TOX3: variants seen among roughly 807,000 people sequenced by gnomAD.
TOX3 encodes TOX high mobility group box family member 3.
In TOX3, 22 loss-of-function variants were observed where a neutral mutation model predicts 64.3. The ratio of observed to expected loss-of-function variants is 0.34; its 90% confidence interval spans 0.24 to 0.49. The LOEUF (loss-of-function observed/expected upper bound fraction) is 0.49, where lower values mean the gene tolerates loss of function less well. Ranked by LOEUF, TOX3 falls within the 20% of genes least tolerant of loss-of-function variation. The probability of loss-of-function intolerance (pLI) is 0.99; values close to 1 mark genes in which losing one functional copy is unlikely to be tolerated. For synonymous variants in TOX3, 291 were observed against 273.6 expected (o/e 1.06, Z -0.63); for missense variants, 661 against 714.4 (o/e 0.93, Z 0.85).
At chr16:52,536,001 CAT>C (rs753366078) in intron 1 of TOX3, among the ~76,000 whole-genome samples, 1 of 152,220 alleles carries the variant, frequency 6.6e-6, no homozygotes, top group Non-Finnish European at 1.5e-5. Flanking sequence ...TATGTCAACA[CAT>C]ATTCACTCAA....
intron 1 of TOX3, 124 bp from the exon 2 acceptor site, chr16:52,468,698 A>G: frequency 1.4e-6 from 1 of 712,910 alleles, no homozygotes; most frequent in Non-Finnish European, 2.4e-6. Context: ...GCAAAACATG[A>G]CAAAGGTTTC....
chr16:52,519,595 A>G (rs1962549582), intron 1 of TOX3: 21 of 1,422,968 alleles, frequency 1.5e-5, no homozygotes, highest in Non-Finnish European at 1.8e-5. Flanking sequence ...CAGACGAAAA[A>G]AAAAACAACA....
Position 52,439,369 on chromosome 16 carries a change from A to G in TOX3, c.1587T>C (p.Ser529=), listed in dbSNP as rs753179354. The change falls in exon 7 of 7, where the codon TCT becomes TCC. Residue 529 remains serine, a synonymous_variant. Coordinates refer to ENST00000219746, the MANE Select transcript of TOX3 (RefSeq NM_001080430.4). ...LQHMQHQSQP[S]PRQHSPVASQ... ...AGGCGACAGGGGAGTGCTGCCGAGG[A>G]GAAGGCTGAGACTGGTGCTGCATGT... 75 of 1,605,758 alleles carry G rather than the reference A, an allele frequency of 4.7e-5. No individual in the cohort carries two copies. Among genetic ancestry groups the G allele is most frequent in the Admixed American group, 1.7e-4 (10 of 58,416 alleles).
chr16:52,512,587 G>A (rs1207077235), intron 1 of TOX3, among the ~76,000 whole-genome samples: 2 of 152,202 alleles, frequency 1.3e-5, no homozygotes, highest in Non-Finnish European at 2.9e-5. Flanking sequence ...ACAGGCAAAG[G>A]TGGATGGCAA....
intron 1 of TOX3, among the ~76,000 whole-genome samples, chr16:52,510,778 A>AAAAAAAAAG (rs574634087): frequency 2.3e-3 from 268 of 115,038 alleles, no homozygotes; most frequent in African/African-American, 3.0e-3. Context: ...AAAAAAAAAA[A>AAAAAAAAAG]AAGAAGAAGA....
chr16:52,483,047 T>C (rs1025784833), intron 1 of TOX3, among the ~76,000 whole-genome samples: 3 of 152,144 alleles, frequency 2.0e-5, no homozygotes, highest in Non-Finnish European at 4.4e-5. Context: ...ACAGATTCCA[T>C]GAGGGATGTC....
chr16:52,455,431 TC>T (rs1163987500), intron 3 of TOX3, among the ~76,000 whole-genome samples: 1 of 152,092 alleles, frequency 6.6e-6, no homozygotes, highest in Admixed American at 6.6e-5. Context: ...AATGTCAAAA[TC>T]CCCTTCATTT....
intron 1 of TOX3, among the ~76,000 whole-genome samples, chr16:52,524,992 G>C (rs1962695741): frequency 6.6e-6 from 1 of 151,656 alleles, no homozygotes; most frequent in South Asian, 2.1e-4. Context: ...ATCCTACTTT[G>C]TTCTATTCTG....
chr16:52,463,570 G>C (rs867936902), intron 3 of TOX3, among the ~76,000 whole-genome samples: 3 of 152,112 alleles, frequency 2.0e-5, no homozygotes, highest in African/African-American at 7.2e-5. Context: ...AAAGACTTAG[G>C]CACCTGATAA....
intron 5 of TOX3, 87 bp downstream of exon 5, chr16:52,445,907 T>C (rs1960147863): frequency 1.6e-6 from 2 of 1,236,942 alleles, no homozygotes; most frequent in Admixed American, 4.6e-5. Context: ...TCATATTAAG[T>C]GAACACATGC....
chr16:52,504,532 C>T (rs548000779), intron 1 of TOX3, among the ~76,000 whole-genome samples: 10 of 151,480 alleles, frequency 6.6e-5, no homozygotes, highest in Non-Finnish European at 1.0e-4. Flanking sequence ...TCTATGTGCA[C>T]ACAACTTCCC....
chr16:52,512,201 T>C (rs1962330915), intron 1 of TOX3, among the ~76,000 whole-genome samples: 1 of 152,210 alleles, frequency 6.6e-6, no homozygotes, highest in Non-Finnish European at 1.5e-5. Context: ...TAAAGACACA[T>C]AAATATTGGC....
At chr16:52,450,573 A>G in intron 3 of TOX3, 27 bp from the exon 4 acceptor site, 1 of 1,612,676 alleles carries the variant, frequency 6.2e-7, no homozygotes, top group Non-Finnish European at 8.5e-7. Context: ...AAAGGGGGAA[A>G]ATATTTCAGC....
Position 52,450,501 on chromosome 16 carries a change from G to A in TOX3, c.454C>T (p.Leu152=), listed in dbSNP as rs770661385. The change falls in exon 4 of 7, where the codon CTG becomes TTG. Residue 152 remains leucine (L), a synonymous_variant. Transcript: ENST00000219746. ...ATGTGGACGATGGACCGCATGATCAGGGAGGGATCCTGCCGGTACTGGGAC... is the reference window on the plus strand; with the variant it reads ...ATGTGGACGATGGACCGCATGATCAAGGAGGGATCCTGCCGGTACTGGGAC... The part of the protein sequence containing the change: ...QVSQYRQDPS[L]IMRSIVHMTD... 2 of 1,614,062 alleles carry A rather than the reference G, an allele frequency of 1.2e-6. No homozygotes were observed. The highest frequency in any genetic ancestry group is 1.1e-5 in the South Asian group (1 of 91,084).
chr16:52,546,736 CCCGGGGCCGGGGGCCGGGACTGGGGTTCG>C lies in TOX3; in HGVS notation c.-42_-14del. 2 of 1,505,994 alleles carry C rather than the reference CCCGGGGCCGGGGGCCGGGACTGGGGTTCG, an allele frequency of 1.3e-6. No individual in the cohort carries two copies. Among genetic ancestry groups the C allele is most frequent in the East Asian group, 2.7e-5 (1 of 37,146 alleles). The allele number at this position is 1,505,994 out of a possible 1,614,324, so 93.3% of individuals were successfully genotyped here. On this transcript the variant is annotated 5_prime_UTR_variant, in exon 1 of 7. Coordinates refer to ENST00000219746, the MANE Select transcript of TOX3 (RefSeq NM_001080430.4). Reference sequence around the variant, plus strand: ...ACCTCACATCCATGCCGAAGCTGGGCCCGGGGCCGGGGGCCGGGACTGGGGTTCGCCGGGGCCGGGACCCGCCTCCTCGC... The same window carrying C: ...ACCTCACATCCATGCCGAAGCTGGGCCCGGGGCCGGGACCCGCCTCCTCGC...
chr16:52,517,733 G>A (rs564154357), intron 1 of TOX3, among the ~76,000 whole-genome samples: 4 of 151,358 alleles, frequency 2.6e-5, no homozygotes, highest in South Asian at 2.1e-4. Context: ...ACACACCAAG[G>A]TCACTCTGAA....
chr16:52,451,723 T>C (rs971069474), intron 3 of TOX3, among the ~76,000 whole-genome samples: 1 of 152,226 alleles, frequency 6.6e-6, no homozygotes, highest in Non-Finnish European at 1.5e-5. Context: ...ATATTAAATA[T>C]ATAAATGCCA....
chr16:52,528,119 G>T (rs973175129), intron 1 of TOX3, among the ~76,000 whole-genome samples: 1 of 152,328 alleles, frequency 6.6e-6, no homozygotes, highest in African/African-American at 2.4e-5. Flanking sequence ...AAAATATTCT[G>T]AAGTAGGATT....
intron 1 of TOX3, among the ~76,000 whole-genome samples, chr16:52,542,578 C>G (rs1963097364): frequency 6.6e-6 from 1 of 152,158 alleles, no homozygotes; most frequent in Non-Finnish European, 1.5e-5. Context: ...CGAAGGCTAT[C>G]CCTTTAAATG....
Sources: gnomAD v4.1 joint callset for allele counts (sites outside exome capture counted in the v4.1 genomes callset) on GRCh38, gnomAD v4.1.1 for gene constraint, MANE v1.5 for transcripts, NCBI Gene and HGNC (gene_info 2026-07-23, HGNC 2026-07-21) for gene names.